The following CNTNAP2 variants were observed in gnomAD, a reference collection of about 807,000 sequenced individuals.
CNTNAP2 encodes the protein contactin associated protein 2.
A neutral mutation model predicts 155.2 loss-of-function variants in CNTNAP2; 98 were observed. The ratio of observed to expected loss-of-function variants is 0.63; its 90% CI spans 0.54 to 0.75. The LOEUF (loss-of-function observed/expected upper bound fraction) is 0.75. CNTNAP2 is among the 30% of genes least tolerant of loss of function. The probability of loss-of-function intolerance (pLI) is 0.00; values close to 1 mark genes in which losing one functional copy is unlikely to be tolerated. For synonymous variants in CNTNAP2, 651 were observed against 631.2 expected, an observed-to-expected ratio of 1.03 and a Z score of -0.47; for missense variants, 1,727 against 1,688.1, an observed-to-expected ratio of 1.02 and a Z score of -0.40.
chr7:147,908,457 G>A (rs2116760175), intron 14 of CNTNAP2, among the ~76,000 whole-genome samples: 1 of 152,328 alleles, frequency 6.6e-6, no homozygotes, highest in South Asian at 2.1e-4. Context: ...GGGCATAGGT[G>A]CCTGCTGTTT....
intron 3 of CNTNAP2, among the ~76,000 whole-genome samples, chr7:146,923,971 A>G (rs1243768151): frequency 6.6e-6 from 1 of 152,102 alleles, no homozygotes; most frequent in Non-Finnish European, 1.5e-5. Context: ...ATCCTGATGC[A>G]CTCAAACATT....
intron 13 of CNTNAP2, among the ~76,000 whole-genome samples, chr7:147,899,982 G>A (rs55984468): frequency 0.3 from 46,021 of 151,744 alleles, 7,126 homozygotes; most frequent in Middle Eastern, 0.43. Context: ...TGCCTACCAC[G>A]TCTAGGCTTT....
At chr7:147,414,888 G>C (rs1797163973) in intron 10 of CNTNAP2, among the ~76,000 whole-genome samples, 1 of 136,356 alleles carries the variant, frequency 7.3e-6, no homozygotes, top group South Asian at 2.3e-4. Context: ...CCTGCAGTGA[G>C]CCGAGATCGC....
At chr7:148,200,456 A>G (rs1374810579) in intron 18 of CNTNAP2, among the ~76,000 whole-genome samples, 4 of 150,374 alleles carry the variant, frequency 2.7e-5, no homozygotes, top group Admixed American at 1.3e-4. Context: ...GTGCAGTGGC[A>G]CAATCATGGC....
chr7:146,455,780 C>T (rs184529837), intron 1 of CNTNAP2, among the ~76,000 whole-genome samples: 63 of 152,198 alleles, frequency 4.1e-4, no homozygotes, highest in Admixed American at 5.9e-4. Context: ...TAGCTTTTAA[C>T]GCTGATTGTA....
intron 1 of CNTNAP2, among the ~76,000 whole-genome samples, chr7:146,408,704 A>G (rs969310218): frequency 1.3e-5 from 2 of 152,000 alleles, no homozygotes; most frequent in African/African-American, 4.8e-5. Context: ...GCACACCAAC[A>G]TGGCACATGA....
chr7:146,388,007 A>AGTGTGT (rs142522965), intron 1 of CNTNAP2, among the ~76,000 whole-genome samples: 147 of 147,412 alleles, frequency 1.0e-3, no homozygotes, highest in African/African-American at 3.5e-3. Flanking sequence ...TGTGTGCATG[A>AGTGTGT]GTGTGTGTGT....
Position 147,223,996 on chromosome 7 carries a change from C to T in CNTNAP2, c.1349-76145C>T, listed in dbSNP as rs543815139. 5.3e-5 allele frequency among the ~76,000 whole-genome samples: 8 copies of T among 150,188 alleles called. No individual in the cohort carries two copies. The East Asian group carries it at 1.6e-3, about 30-fold the overall frequency. On this transcript the variant is annotated intron_variant, in intron 8 of 23. Coordinates refer to ENST00000361727, the MANE Select transcript of CNTNAP2 (RefSeq NM_014141.6). ...AGAAAAGAAAAAAGAAAAATAACTA[C>T]AAGCAAGAAATCAAAGAGAGTTGGG...
intron 15 of CNTNAP2, among the ~76,000 whole-genome samples, chr7:148,086,313 A>G (rs1013789997): frequency 6.6e-6 from 1 of 152,328 alleles, no homozygotes. Context: ...CATTTATTTA[A>G]ACAAAAGTAT....
chr7:146,788,177 G>A (rs987059754), intron 2 of CNTNAP2, among the ~76,000 whole-genome samples: 20 of 152,148 alleles, frequency 1.3e-4, no homozygotes, highest in Non-Finnish European at 7.4e-5. Flanking sequence ...CCACCAAGCC[G>A]GCGCCCACCT....
chr7:147,649,228 A>T (rs982456250), intron 13 of CNTNAP2, among the ~76,000 whole-genome samples: 2 of 152,130 alleles, frequency 1.3e-5, no homozygotes, highest in Admixed American at 6.5e-5. Flanking sequence ...TAACAAATAT[A>T]AGGATGAAAT....
chr7:146,750,217 A>G (rs183972684), intron 1 of CNTNAP2, among the ~76,000 whole-genome samples: 1 of 152,238 alleles, frequency 6.6e-6, no homozygotes, highest in East Asian at 1.9e-4. Context: ...TTGCTTGATC[A>G]TACAGATTCC....
chr7:148,383,372 G>GGCA (rs1385665039), intron 21 of CNTNAP2, among the ~76,000 whole-genome samples: 3 of 152,020 alleles, frequency 2.0e-5, no homozygotes, highest in Non-Finnish European at 4.4e-5. Flanking sequence ...TGTGAGTTTC[G>GGCA]GCAGCGTCTG....
chr7:147,054,393 G>C (rs992199292), intron 4 of CNTNAP2, among the ~76,000 whole-genome samples: 1 of 152,022 alleles, frequency 6.6e-6, no homozygotes, highest in African/African-American at 2.4e-5. Flanking sequence ...ATCAATATCA[G>C]TTAGTGTATT....
chr7:148,127,146 A>G (rs1804733071), intron 16 of CNTNAP2, among the ~76,000 whole-genome samples: 1 of 152,154 alleles, frequency 6.6e-6, no homozygotes, highest in African/African-American at 2.4e-5. Context: ...TTCTACTAAA[A>G]ATACAAAAAT....
chr7:147,736,815 G>A lies in CNTNAP2; in HGVS notation c.2098+97509G>A, dbSNP rs373643926. The stretch of plus-strand genomic sequence containing the variant: ...ACCCTTTCTTCCAGTTGATTGAATC[G>A]GCTACTGAAGCTTGTGCATTCGTCA... On this transcript the variant is annotated intron_variant, in intron 13 of 23. Coordinates refer to ENST00000361727, the MANE Select transcript of CNTNAP2 (RefSeq NM_014141.6). Among the ~76,000 whole-genome samples the A allele has an allele frequency of 2.1e-3, 325 of 152,136 alleles. 8 individuals are homozygous for A. In the East Asian group the frequency reaches 0.047, roughly 22 times the overall value.
intron 2 of CNTNAP2, among the ~76,000 whole-genome samples, chr7:146,790,925 C>CT (rs776168917): frequency 0.063 from 9,180 of 145,444 alleles, 832 homozygotes; most frequent in African/African-American, 0.2. Context: ...GTACCTCAGT[C>CT]TTTTTTTTTT....
intron 10 of CNTNAP2, among the ~76,000 whole-genome samples, chr7:147,450,110 C>T (rs1365822051): frequency 6.6e-6 from 1 of 152,200 alleles, no homozygotes; most frequent in Non-Finnish European, 1.5e-5. Context: ...GCACAACTGA[C>T]TTTCAGATTA....
intron 1 of CNTNAP2, among the ~76,000 whole-genome samples, chr7:146,548,476 A>G (rs1467772471): frequency 6.6e-6 from 1 of 152,040 alleles, no homozygotes; most frequent in East Asian, 1.9e-4. Flanking sequence ...CCAAAGGAAC[A>G]TAAATCATTC....
Sources: allele counts gnomAD v4.1 joint callset (sites outside exome capture counted in the v4.1 genomes callset), GRCh38; gene constraint gnomAD v4.1.1; transcripts MANE v1.5; gene names NCBI Gene and HGNC (gene_info 2026-07-23, HGNC 2026-07-21).